The following ANK2 variants were observed in gnomAD, a reference collection of about 807,000 sequenced individuals.
The protein encoded by ANK2 is ankyrin-2.
In ANK2, 83 loss-of-function variants were observed where a neutral mutation model predicts 360.5. The ratio of observed to expected loss-of-function variants is 0.23; its 90% CI spans 0.19 to 0.28. The LOEUF (loss-of-function observed/expected upper bound fraction) is 0.28. Ranked by LOEUF, ANK2 falls within the 10% of genes least tolerant of loss-of-function variation. The pLI is 1.00. For synonymous variants in ANK2, 1,740 were observed against 1,759.5 expected (o/e 0.99, Z 0.28); for missense variants, 4,201 against 4,795.7 (o/e 0.88, Z 3.66).
Position 113,355,867 on chromosome 4 carries a change from G to C in ANK2, c.7249G>C (p.Asp2417His), listed in dbSNP as rs372545180. 1.4e-5 allele frequency: 23 copies of C among 1,613,964 alleles called. No individual in the cohort carries two copies. Among genetic ancestry groups the C allele is most frequent in the Non-Finnish European group, 1.9e-5 (23 of 1,179,972 alleles). ...GTTAGAACTTGCACTCCCTAGCCGA[G>C]ATAGCGAAGTCCTCAGCGCTGTGGC... The part of the protein sequence containing the change: ...QGLELALPSR[D>H]SEVLSAVADD... Residue 2417 changes from aspartate (D) to histidine (H), a missense_variant, in exon 38 of 46, where the codon GAT (aspartate) becomes CAT (histidine). By Grantham distance (81) the Asp-to-His change is moderately conservative. Transcript: ENST00000357077.
In ANK2 at chr4:113,356,830, G is replaced by T. The variant is rs529299507; in HGVS notation, c.8212G>T (p.Asp2738Tyr). Residue 2738 changes from aspartate to tyrosine, a missense_variant, in exon 38 of 46, where the codon GAT (aspartate) becomes TAT (tyrosine). This residue lies in a region of ANK2 where 2,642 missense variants were observed against 2,714.5 expected (regional missense o/e 0.97). Coordinates refer to ENST00000357077, the MANE Select transcript of ANK2 (RefSeq NM_001148.6). ...GCCAGGCAAATCAGAAGAAGAAAAA[G>T]ATTCTGAATCCCATTTAGCTGAAGA... ...EEPGKSEEEKDSESHLAEDRH... is the reference protein window; with the variant it reads ...EEPGKSEEEKYSESHLAEDRH... The T allele has an allele frequency of 6.2e-7, 1 of 1,614,064 alleles. No individual in the cohort carries two copies. The highest frequency in any genetic ancestry group is 1.3e-5 in the African/African-American group (1 of 75,042).
chr4:113,255,643 G>A (rs1440906340), intron 10 of ANK2, 92 bp from the exon 11 acceptor site: 2 of 1,338,642 alleles, frequency 1.5e-6, no homozygotes, highest in Non-Finnish European at 2.1e-6. Flanking sequence ...CACTAACTGT[G>A]TTAGAGATCA....
chr4:113,271,868 CCA>C (rs1383062685), intron 14 of ANK2, among the ~76,000 whole-genome samples: 1 of 152,184 alleles, frequency 6.6e-6, no homozygotes, highest in East Asian at 1.9e-4. Context: ...GTGTTTGCAC[CCA>C]GGTCCTGCTC....
upstream of ANK2, among the ~76,000 whole-genome samples, chr4:112,814,429 TTTTGTTTTTTTG>T (rs200588009): frequency 0.22 from 20,163 of 91,224 alleles, 2,114 homozygotes; most frequent in East Asian, 0.62. Context: ...GAGAGCGTTT[TTTTGTTTTTTTG>T]TTTGTTTGTT....
rs140552931 is a variant in ANK2, at chr4:113,074,678, G to T, written c.84+24866G>T. 4.8e-3 allele frequency among the ~76,000 whole-genome samples: 726 copies of T among 152,216 alleles called. 4 individuals carry two copies. Among genetic ancestry groups the T allele is most frequent in the Middle Eastern group, 0.017 (5 of 294 alleles). Reference sequence around the variant, plus strand: ...CTCTCAATGTGTAAAATTTTGATCGGCAGAGATAGGTATCCAGGTAGAGGA... The same window carrying T: ...CTCTCAATGTGTAAAATTTTGATCGTCAGAGATAGGTATCCAGGTAGAGGA... On this transcript the variant is annotated intron_variant, in intron 1 of 45. Coordinates refer to ENST00000357077, the MANE Select transcript of ANK2 (RefSeq NM_001148.6).
Position 112,837,029 on chromosome 4 carries a change from C to T in ANK2, c.-40+18765C>T, listed in dbSNP as rs111433920. ...ACCAAGAAAATAGGGAAAATGTCTC[C>T]AAGGCATGCCAGAGGTCTTCAAGGC... On this transcript the variant is annotated intron_variant, in intron 1 of 30. Transcript: ENST00000503271. 9.7e-3 allele frequency among the ~76,000 whole-genome samples: 1,473 copies of T among 152,304 alleles called. 5 individuals are homozygous for T. Among genetic ancestry groups the T allele is most frequent in the Non-Finnish European group, 0.016 (1,112 of 68,024 alleles).
At chr4:113,223,397 C>T (rs2099173419) in intron 4 of ANK2, among the ~76,000 whole-genome samples, 1 of 152,100 alleles carries the variant, frequency 6.6e-6, no homozygotes, top group East Asian at 1.9e-4. Flanking sequence ...CCAGATCTTT[C>T]TGTAACGATT....
chr4:113,261,262 A>G (rs1340949258), intron 13 of ANK2, among the ~76,000 whole-genome samples: 1 of 152,164 alleles, frequency 6.6e-6, no homozygotes, highest in Non-Finnish European at 1.5e-5. Context: ...CGAACTGCCA[A>G]TTACAACACA....
intron 7 of ANK2, among the ~76,000 whole-genome samples, chr4:113,238,824 T>C (rs1196347657): frequency 6.6e-6 from 1 of 152,200 alleles, no homozygotes; most frequent in Non-Finnish European, 1.5e-5. Context: ...GAAGGGCTGA[T>C]ACCAGTTTTG....
intron 4 of ANK2, among the ~76,000 whole-genome samples, chr4:113,207,860 T>C (rs2098972738): frequency 6.6e-6 from 1 of 152,228 alleles, no homozygotes; most frequent in East Asian, 1.9e-4. Flanking sequence ...GCAGGGGGCA[T>C]GCGGAAGAAG....
At chr4:113,034,109 G>C (rs1231660781) in intron 2 of ANK2, 1 of 151,922 alleles carries the variant, frequency 6.6e-6, no homozygotes, top group Non-Finnish European at 1.5e-5. Context: ...AGGAAGACCT[G>C]GGTTAAATAT....
chr4:113,163,764 C>CAAAAAAAAAAAAAAAAAAA lies in ANK2; in HGVS notation c.85-10642_85-10624dup, dbSNP rs1158530849. The stretch of plus-strand genomic sequence containing the variant: ...GGGCAACAAGAGTGAAACTTCGTCT[C>CAAAAAAAAAAAAAAAAAAA]AAAAAAAAAAAAAAAAAAAAAAAAA... On this transcript the variant is annotated intron_variant, in intron 1 of 45. Coordinates refer to ENST00000357077, the MANE Select transcript of ANK2 (RefSeq NM_001148.6). Among the ~76,000 whole-genome samples the CAAAAAAAAAAAAAAAAAAA allele has an allele frequency of 3.2e-3, 175 of 55,032 alleles. 4 individuals carry two copies. Among genetic ancestry groups the CAAAAAAAAAAAAAAAAAAA allele is most frequent in the African/African-American group, 7.9e-3 (140 of 17,736 alleles). The allele number at this position is 55,032 out of a possible 152,430, so 36.1% of individuals were successfully genotyped here. A position where few individuals can be genotyped will look rare whatever the true frequency, so the allele number is the denominator to read the frequency against.
At position 113,381,564 on chromosome 4, in the gene ANK2, AG is replaced by A; in HGVS notation, c.*95del. ...GAGGATGTACCAGAAGCACTAGACC[AG>A]GACGACCTCCAGCGCGATCTCCAGC... On this transcript the variant is annotated 3_prime_UTR_variant, in exon 46 of 46. Coordinates refer to ENST00000357077, the MANE Select transcript of ANK2 (RefSeq NM_001148.6). The A allele has an allele frequency of 6.2e-7, 1 of 1,610,940 alleles. No individual in the cohort carries two copies. Among genetic ancestry groups the A allele is most frequent in the Non-Finnish European group, 8.5e-7 (1 of 1,178,352 alleles).
chr4:112,886,515 A>G (rs963807316), intron 1 of ANK2, among the ~76,000 whole-genome samples: 1 of 151,924 alleles, frequency 6.6e-6, no homozygotes, highest in Non-Finnish European at 1.5e-5. Flanking sequence ...TACAAAAATC[A>G]GCTCGGTGTG....
the ANK2 span, among the ~76,000 whole-genome samples, chr4:112,795,599 G>A: frequency 7.9e-5 from 12 of 152,090 alleles, no homozygotes; most frequent in African/African-American, 2.9e-4. Context: ...TGCCTCCTGG[G>A]TTCAAGTGAT....
chr4:112,873,702 A>ATTT (rs373762462), intron 1 of ANK2, among the ~76,000 whole-genome samples: 2 of 132,064 alleles, frequency 1.5e-5, no homozygotes, highest in African/African-American at 2.8e-5. Context: ...ACGCTTGGCT[A>ATTT]TTTTTTTTTT....
At chr4:113,083,401 T>G (rs2083226386) in intron 1 of ANK2, among the ~76,000 whole-genome samples, 1 of 152,110 alleles carries the variant, frequency 6.6e-6, no homozygotes, top group Non-Finnish European at 1.5e-5. Flanking sequence ...TCTCAAACTT[T>G]TGGGCTCAAA....
intron 7 of ANK2, among the ~76,000 whole-genome samples, chr4:113,239,320 G>A (rs362507): frequency 0.055 from 8,365 of 152,066 alleles, 333 homozygotes; most frequent in African/African-American, 0.1. Context: ...AGGTATCTGA[G>A]TGCTTATTTA....
Position 113,049,808 on chromosome 4 carries a change from A to C in ANK2, c.80A>C (p.Lys27Thr), listed in dbSNP as rs769843073. ...NGSSQRRKRPKKSDSNASFLR... is the reference protein window; with the variant it reads ...NGSSQRRKRPTKSDSNASFLR... ...AGTAGTCAGAGGAGAAAAAGACCCA[A>C]GAAGGTAAATCGCCGGAATTAGGAA... is the stretch of plus-strand genomic sequence containing the variant. Residue 27 changes from lysine to threonine, a missense_variant, in exon 1 of 46, where the codon AAG becomes ACG. Physicochemically the swap from Lys to Thr is moderately conservative, Grantham distance 78. This residue lies in a region of ANK2 where 169 missense variants were observed against 191.1 expected (regional missense o/e 0.88). Transcript: ENST00000357077. 2.0e-5 allele frequency: 33 copies of C among 1,613,608 alleles called. No homozygotes were observed. Among genetic ancestry groups the C allele is most frequent in the Non-Finnish European group, 2.8e-5 (33 of 1,179,762 alleles).
Sources: gnomAD v4.1 joint callset for allele counts (sites outside exome capture counted in the v4.1 genomes callset) on GRCh38, gnomAD v4.1.1 for gene constraint, gnomAD v4.1.1 regional missense constraint, MANE v1.5 for transcripts, NCBI Gene and HGNC (gene_info 2026-07-23, HGNC 2026-07-21) for gene names.